Variants in FAM222B observed in about 807,000 individuals in gnomAD.
The protein encoded by FAM222B is family with sequence similarity 222 member B.
A neutral mutation model predicts 38.0 loss-of-function variants in FAM222B; 12 were observed. The observed-to-expected ratio is 0.32, with a 90% CI of 0.20 to 0.51. FAM222B has a LOEUF of 0.51. Among genes scored for constraint, FAM222B ranks in the 20% least tolerant of loss-of-function variants. The pLI is 0.97. For missense variants in FAM222B, 716 were observed against 754.2 expected (o/e 0.95, Z 0.59); for synonymous variants, 329 against 317.2 (o/e 1.04, Z -0.40).
chr17:28,845,571 C>CT (rs1482715961), upstream of FAM222B, among the ~76,000 whole-genome samples: 1 of 149,962 alleles, frequency 6.7e-6, no homozygotes, highest in Non-Finnish European at 1.5e-5. Flanking sequence ...GAGCGAGACT[C>CT]TGTCTCAAAA....
chr17:28,811,426 C>G (rs939323936), intron 1 of FAM222B, among the ~76,000 whole-genome samples: 1 of 152,020 alleles, frequency 6.6e-6, no homozygotes, highest in African/African-American at 2.4e-5. Context: ...GGCAACAGAG[C>G]GAGACTCGTC....
intron 1 of FAM222B, among the ~76,000 whole-genome samples, chr17:28,796,396 G>T (rs2036940230): frequency 6.6e-6 from 1 of 152,090 alleles, no homozygotes; most frequent in Non-Finnish European, 1.5e-5. Flanking sequence ...CAGCATGTTG[G>T]GCCAGGAGAA....
intron 1 of FAM222B, among the ~76,000 whole-genome samples, chr17:28,790,742 G>A (rs574714813): frequency 2.6e-5 from 4 of 152,122 alleles, no homozygotes; most frequent in African/African-American, 9.6e-5. Flanking sequence ...TGGTAAAGTT[G>A]GAGAATGCCC....
chr17:28,756,398 CCA>C lies in FAM222B; in HGVS notation c.*1870_*1871del, dbSNP rs776255018. ...TAAAGCCCCCAAGTTGGTGTCTGGT[CCA>C]GTTTCCTAAAATAGCAGCTCACCTT... On this transcript the variant is annotated 3_prime_UTR_variant, in exon 3 of 3. Coordinates refer to ENST00000581407, the MANE Select transcript of FAM222B (RefSeq NM_001077498.3). 1.2e-4 allele frequency: 18 copies of C among 152,484 alleles called. No individual in the cohort carries two copies. Among genetic ancestry groups the C allele is most frequent in the Non-Finnish European group, 2.4e-4 (16 of 68,052 alleles). 9.4% of individuals were successfully genotyped at this position (152,484 alleles called of 1,614,324 possible).
At chr17:28,795,504 T>C (rs1483733821) in intron 1 of FAM222B, among the ~76,000 whole-genome samples, 1 of 152,200 alleles carries the variant, frequency 6.6e-6, no homozygotes, top group Non-Finnish European at 1.5e-5. Flanking sequence ...ATGCAATCAC[T>C]GCAGCCTCGA....
intron 1 of FAM222B, chr17:28,802,619 A>C: frequency 5.9e-6 from 1 of 169,414 alleles, no homozygotes; most frequent in Admixed American, 6.1e-5. Flanking sequence ...GGAGATGAGG[A>C]CCCCAGATGC....
intron 1 of FAM222B, among the ~76,000 whole-genome samples, chr17:28,837,860 C>T (rs1343609913): frequency 6.6e-6 from 1 of 152,078 alleles, no homozygotes; most frequent in Non-Finnish European, 1.5e-5. Flanking sequence ...ACTTTGTTTG[C>T]CAGGCTGGTC....
At chr17:28,840,888 G>A (rs1371675987) in intron 1 of FAM222B, among the ~76,000 whole-genome samples, 1 of 151,968 alleles carries the variant, frequency 6.6e-6, no homozygotes, top group Non-Finnish European at 1.5e-5. Context: ...TTGAACCCAG[G>A]AGGCGGAGGT....
chr17:28,758,737 G>C lies in FAM222B; in HGVS notation c.1222C>G (p.Pro408Ala). ...LAGPGFVGKA[P>A]AYPQELCLAQ... ...AGGCAGAGTTCCTGCGGGTAGGCAGGGGCCTTGCCCACAAAGCCAGGCCCT... is the reference window on the plus strand; with the variant it reads ...AGGCAGAGTTCCTGCGGGTAGGCAGCGGCCTTGCCCACAAAGCCAGGCCCT... The change falls in exon 3 of 3, where the codon CCT becomes GCT. Residue 408 changes from proline to alanine, a missense_variant. Coordinates refer to ENST00000581407, the MANE Select transcript of FAM222B (RefSeq NM_001077498.3). 2 of 1,580,636 alleles carry C rather than the reference G, an allele frequency of 1.3e-6. No homozygotes were observed. Among genetic ancestry groups the C allele is most frequent in the Non-Finnish European group, 8.6e-7 (1 of 1,161,330 alleles).
At chr17:28,830,335 G>GT (rs372810542) in intron 1 of FAM222B, among the ~76,000 whole-genome samples, 2 of 151,082 alleles carry the variant, frequency 1.3e-5, no homozygotes, top group South Asian at 2.1e-4. Context: ...CTAATTCTTT[G>GT]TTTTTTAGTA....
At position 28,836,488 on chromosome 17, in the gene FAM222B, C is replaced by A. The variant is rs550893561; in HGVS notation, c.-41+6194G>T. ...TAAAGAAGGAAGGGCTTTATTCGGC[C>A]GGGAGCTTCGGCAAGACTCACGTCT... On this transcript the variant is annotated intron_variant, in intron 1 of 2. Transcript: ENST00000581407. Among the ~76,000 whole-genome samples the A allele has an allele frequency of 2.0e-5, 3 of 152,100 alleles. No homozygotes were observed. The South Asian group carries it at 6.2e-4, about 32-fold the overall frequency.
chr17:28,848,109 G>A (rs1051055651), intron 1 of FAM222B, among the ~76,000 whole-genome samples: 4 of 151,958 alleles, frequency 2.6e-5, no homozygotes, highest in African/African-American at 9.7e-5. Context: ...TTTTGTTCAG[G>A]AGCGAATAAA....
chr17:28,799,696 C>T (rs1440024701), intron 1 of FAM222B, among the ~76,000 whole-genome samples: 1 of 152,166 alleles, frequency 6.6e-6, no homozygotes, highest in Non-Finnish European at 1.5e-5. Flanking sequence ...CAGCCTCAAA[C>T]TCCTAGGCTC....
intron 1 of FAM222B, among the ~76,000 whole-genome samples, chr17:28,824,354 T>G (rs2038364948): frequency 7.0e-6 from 1 of 143,548 alleles, no homozygotes; most frequent in Non-Finnish European, 1.5e-5. Context: ...CTGGCTAATT[T>G]TCTTATTTTT....
In FAM222B at chr17:28,793,906, A is replaced by G. The variant is rs551681999; in HGVS notation, c.-40-27199T>C. On this transcript the variant is annotated intron_variant, in intron 1 of 2. Coordinates refer to ENST00000581407, the MANE Select transcript of FAM222B (RefSeq NM_001077498.3). ...GATTACAGCCATGCACCACCACGCC[A>G]GGCTAATTTTTTTTGCATTTTTAGT... is the stretch of plus-strand genomic sequence containing the variant. Among the ~76,000 whole-genome samples the G allele has an allele frequency of 3.3e-5, 5 of 151,726 alleles. No homozygotes were observed. The East Asian group carries it at 9.8e-4, about 30-fold the overall frequency.
chr17:28,803,536 A>T (rs1430948481), intron 1 of FAM222B, among the ~76,000 whole-genome samples: 1 of 151,988 alleles, frequency 6.6e-6, no homozygotes, highest in East Asian at 1.9e-4. Context: ...GGCTCAAGCA[A>T]TCCTCCTGCC....
At chr17:28,773,982 G>A (rs1169412603) in intron 1 of FAM222B, among the ~76,000 whole-genome samples, 1 of 152,080 alleles carries the variant, frequency 6.6e-6, no homozygotes, top group Non-Finnish European at 1.5e-5. Context: ...GATGAAACAA[G>A]AATGAAACAA....
chr17:28,833,009 TAAAAAA>T (rs779596504), intron 1 of FAM222B, among the ~76,000 whole-genome samples: 5 of 90,798 alleles, frequency 5.5e-5, no homozygotes, highest in Non-Finnish European at 1.1e-4. Context: ...CTGTCTCTAT[TAAAAAA>T]AAAAAAAAAA....
intron 2 of FAM222B, among the ~76,000 whole-genome samples, chr17:28,761,455 G>A (rs2035067433): frequency 6.6e-6 from 1 of 152,222 alleles, no homozygotes; most frequent in East Asian, 1.9e-4. Flanking sequence ...CAAAAGGCAG[G>A]AGGATAGGCC....
Sources: allele counts gnomAD v4.1 joint callset (sites outside exome capture counted in the v4.1 genomes callset), GRCh38; gene constraint gnomAD v4.1.1; transcripts MANE v1.5; gene names NCBI Gene and HGNC (gene_info 2026-07-23, HGNC 2026-07-21).